The following XPO1 variants were observed in gnomAD, a reference collection of about 807,000 sequenced individuals.
The protein encoded by XPO1 is exportin-1.
Under a neutral mutation model 133.3 loss-of-function variants are expected in XPO1, and 5 were observed. That is an observed-to-expected ratio of 0.04 (90% CI 0.02 to 0.08). The LOEUF (loss-of-function observed/expected upper bound fraction) is 0.08. XPO1 is among the 10% of genes least tolerant of loss of function. The pLI is 1.00. For synonymous variants in XPO1, 419 were observed against 408.2 expected (o/e 1.03, Z -0.32); for missense variants, 506 against 1,267.5 (o/e 0.40, Z 9.12).
At chr2:61,537,522 C>G (rs1320998113) in intron 1 of XPO1, 40 bp downstream of exon 1, 163 of 148,694 alleles carry the variant, frequency 1.1e-3, no homozygotes, top group African/African-American at 3.1e-3. Context: ...CCGGCCGCGC[C>G]GCCGCCCGAC....
chr2:61,500,411 T>C (rs1263915860), intron 6 of XPO1, among the ~76,000 whole-genome samples: 1 of 151,622 alleles, frequency 6.6e-6, no homozygotes, highest in African/African-American at 2.4e-5. Flanking sequence ...AAACCCTGTC[T>C]CTACTAAAAA....
At chr2:61,479,791 A>G (rs1237835120) in intron 24 of XPO1, among the ~76,000 whole-genome samples, 5 of 151,988 alleles carry the variant, frequency 3.3e-5, no homozygotes, top group Non-Finnish European at 5.9e-5. Context: ...TCAAACTCCC[A>G]AGCTCAGACA....
Position 61,501,978 on chromosome 2 carries a change from A to G in XPO1, c.408+18T>C. The stretch of plus-strand genomic sequence containing the variant: ...TAAGCATAATTCTTCTAAGGAAAAC[A>G]GTTAAGTTAAAGCTTACCTGAACAA... On this transcript the variant is annotated intron_variant, in intron 6 of 24. Coordinates refer to ENST00000401558, the MANE Select transcript of XPO1 (RefSeq NM_003400.4). 5 of 1,572,106 alleles carry G rather than the reference A, an allele frequency of 3.2e-6. No individual in the cohort carries two copies. Among genetic ancestry groups the G allele is most frequent in the Non-Finnish European group, 4.3e-6 (5 of 1,154,656 alleles).
intron 4 of XPO1, among the ~76,000 whole-genome samples, chr2:61,513,236 T>A (rs910382835): frequency 6.6e-6 from 1 of 152,296 alleles, no homozygotes; most frequent in South Asian, 2.1e-4. Context: ...TTTGTTTGTA[T>A]TGTTTCCGCC....
intron 1 of XPO1, chr2:61,536,172 GA>G (rs1447918771): frequency 1.3e-5 from 2 of 152,196 alleles, no homozygotes; most frequent in African/African-American, 4.8e-5. Flanking sequence ...GCCATCCTTA[GA>G]ACTAGCGGCT....
At chr2:61,496,784 C>CT (rs1697262022) in intron 10 of XPO1, 95 bp downstream of exon 10, 1 of 1,272,754 alleles carries the variant, frequency 7.9e-7, no homozygotes, top group Non-Finnish European at 1.0e-6. Flanking sequence ...TATGGCTTAT[C>CT]TTTGATACGT....
At chr2:61,527,941 T>C (rs1468885840) in intron 2 of XPO1, among the ~76,000 whole-genome samples, 3 of 151,908 alleles carry the variant, frequency 2.0e-5, no homozygotes, top group Non-Finnish European at 4.4e-5. Flanking sequence ...CTTTTTTTTT[T>C]TTAAAGTTGG....
Position 61,492,282 on chromosome 2 carries a change from T to C in XPO1, c.1723+43A>G. The C allele has an allele frequency of 6.3e-7, 1 of 1,581,500 alleles. No individual in the cohort carries two copies. The highest frequency in any genetic ancestry group is 2.2e-5 in the East Asian group (1 of 44,736). Reference sequence around the variant, plus strand: ...AGACAAAAACATTCATTTATTTTCTTCAATAAAAATAAAAGCAAAATATAG... The same window carrying C: ...AGACAAAAACATTCATTTATTTTCTCCAATAAAAATAAAAGCAAAATATAG... On this transcript the variant is annotated intron_variant, in intron 15 of 24. Coordinates refer to ENST00000401558, the MANE Select transcript of XPO1 (RefSeq NM_003400.4). This position sits in a 1 kb window ranked among gnomAD's most constrained non-coding sequence, Gnocchi z 5.6.
Position 61,502,097 on chromosome 2 carries a change from A to G in XPO1, c.364-57T>C, listed in dbSNP as rs1697554979. 10 of 1,539,940 alleles carry G rather than the reference A, an allele frequency of 6.5e-6. No homozygotes were observed. The South Asian group carries it at 1.2e-4, about 18-fold the overall frequency. On this transcript the variant is annotated intron_variant, in intron 5 of 24. Transcript: ENST00000401558. Reference sequence around the variant, plus strand: ...TGAGGTAAGTATAAATAAGAATATAACCAGACAATCCTAACAAATGATTAC... The same window carrying G: ...TGAGGTAAGTATAAATAAGAATATAGCCAGACAATCCTAACAAATGATTAC...
intron 3 of XPO1, 71 bp downstream of exon 3, chr2:61,526,349 T>C (rs1236162955): frequency 1.3e-6 from 2 of 1,524,248 alleles, no homozygotes; most frequent in East Asian, 2.4e-5. Flanking sequence ...ATACTAAAAA[T>C]GAGATACCTT....
chr2:61,518,930 T>A (rs1340155462), intron 4 of XPO1, among the ~76,000 whole-genome samples: 3 of 152,226 alleles, frequency 2.0e-5, no homozygotes, highest in African/African-American at 7.2e-5. Flanking sequence ...AATGTTCTTT[T>A]AAACATCCTT....
chr2:61,519,811 T>G (rs544100533), intron 4 of XPO1, among the ~76,000 whole-genome samples: 12 of 151,758 alleles, frequency 7.9e-5, no homozygotes, highest in Non-Finnish European at 1.8e-4. Flanking sequence ...AGGAATCTAA[T>G]TTTGGCATAC....
rs137966953 is a variant in XPO1 at position 61,498,115 on chromosome 2, G to T, written c.759+558C>A. Among the ~76,000 whole-genome samples, 518 of 152,264 alleles carry T rather than the reference G, an allele frequency of 3.4e-3. 2 individuals are homozygous for T. Among genetic ancestry groups the T allele is most frequent in the African/African-American group, 0.011 (446 of 41,548 alleles). On this transcript the variant is annotated intron_variant, in intron 9 of 24. Transcript: ENST00000401558. ...ACCACTGTAGAACTTTACTTATTTT[G>T]AGACAGGGTCTCGCTCTGTTGCCCA...
chr2:61,536,262 T>G (rs1339448093), intron 1 of XPO1: 1 of 152,230 alleles, frequency 6.6e-6, no homozygotes, highest in East Asian at 1.9e-4. Context: ...CAAGCACATT[T>G]AGTCCCCCAA....
intron 4 of XPO1, among the ~76,000 whole-genome samples, chr2:61,518,164 G>T (rs1698489761): frequency 6.6e-6 from 1 of 150,984 alleles, no homozygotes; most frequent in South Asian, 2.1e-4. Context: ...GAGGCAAGAG[G>T]ATCACTGGAG....
chr2:61,522,003 C>T (rs528317778), intron 4 of XPO1, among the ~76,000 whole-genome samples: 1 of 152,228 alleles, frequency 6.6e-6, no homozygotes, highest in South Asian at 2.1e-4. Flanking sequence ...AATGACCCTC[C>T]CACTTCAGCC....
At chr2:61,499,640 A>G in intron 7 of XPO1, 73 bp downstream of exon 7, 8 of 1,383,494 alleles carry the variant, frequency 5.8e-6, no homozygotes, top group East Asian at 2.4e-5. Flanking sequence ...TAAAATATCT[A>G]CAATTTACAT....
At chr2:61,530,329 T>C (rs1483151092) in intron 2 of XPO1, among the ~76,000 whole-genome samples, 5 of 152,306 alleles carry the variant, frequency 3.3e-5, no homozygotes, top group Non-Finnish European at 7.4e-5. Flanking sequence ...TCTGATTTAT[T>C]CTAATCCCAC....
In XPO1 at chr2:61,478,591, G is replaced by A. The variant is rs1217089727; in HGVS notation, c.*229C>T. 1 of 461,916 alleles carries A rather than the reference G, an allele frequency of 2.2e-6. No homozygotes were observed. The highest frequency in any genetic ancestry group is 3.6e-6 in the Non-Finnish European group (1 of 277,180). 28.6% of individuals were successfully genotyped at this position (461,916 alleles called of 1,614,324 possible). ...GGCATGAAGTAAAATTTTTAAAAAT[G>A]CCTTAATTTTCAACTTCATGCAAAC... On this transcript the variant is annotated 3_prime_UTR_variant, in exon 25 of 25. Transcript: ENST00000401558.
Sources: gnomAD v4.1 joint callset for allele counts (sites outside exome capture counted in the v4.1 genomes callset) on GRCh38, gnomAD v4.1.1 for gene constraint, Gnocchi (gnomAD v3.1) non-coding constraint, MANE v1.5 for transcripts, NCBI Gene and HGNC (gene_info 2026-07-23, HGNC 2026-07-21) for gene names.